PPFIA1: variants seen among roughly 807,000 people sequenced by gnomAD.
PPFIA1 encodes the protein liprin-alpha-1.
In PPFIA1, 25 loss-of-function variants were observed where a neutral mutation model predicts 149.9. That is an observed-to-expected ratio of 0.17 (90% CI 0.12 to 0.23). PPFIA1 has a LOEUF of 0.23. Ranked by LOEUF, PPFIA1 falls within the 10% of genes least tolerant of loss-of-function variation. The pLI, the probability that PPFIA1 is intolerant of heterozygous loss-of-function variation, is 1.00. For synonymous variants in PPFIA1, 549 were observed against 552.8 expected (o/e 0.99, Z 0.10); for missense variants, 1,362 against 1,506.5 (o/e 0.90, Z 1.59).
chr11:70,366,410 C>T (rs1186772119), intron 21 of PPFIA1, among the ~76,000 whole-genome samples: 1 of 152,212 alleles, frequency 6.6e-6, no homozygotes, highest in African/African-American at 2.4e-5. Flanking sequence ...TTACTAAATA[C>T]TATCCTAATA....
intron 14 of PPFIA1, among the ~76,000 whole-genome samples, chr11:70,340,123 C>A (rs1006378626): frequency 7.3e-5 from 11 of 150,764 alleles, no homozygotes; most frequent in African/African-American, 2.7e-4. Flanking sequence ...CACAGGGAGA[C>A]CCCTGTCTCT....
At chr11:70,296,553 G>A (rs2052038229) in intron 2 of PPFIA1, among the ~76,000 whole-genome samples, 1 of 151,964 alleles carries the variant, frequency 6.6e-6, no homozygotes, top group Non-Finnish European at 1.5e-5. Flanking sequence ...GTGGCGGTGC[G>A]CGCCTGCAAT....
chr11:70,375,181 TA>T (rs372735947), intron 24 of PPFIA1, 88 bp downstream of exon 24: 5,539 of 141,470 alleles, frequency 0.039, 188 homozygotes, highest in African/African-American at 0.13. Context: ...AAAGAAACTT[TA>T]AAAAAAAAAA....
intron 2 of PPFIA1, among the ~76,000 whole-genome samples, chr11:70,286,099 G>A (rs12291373): frequency 0.076 from 11,534 of 152,130 alleles, 1,534 homozygotes; most frequent in African/African-American, 0.27. Context: ...CTTGGCCACT[G>A]TGCCTCGCAG....
chr11:70,299,296 T>G (rs2052310782), intron 2 of PPFIA1, among the ~76,000 whole-genome samples: 1 of 152,152 alleles, frequency 6.6e-6, no homozygotes. Context: ...AGCTTTAGAA[T>G]AAAATGGTTT....
intron 2 of PPFIA1, chr11:70,321,399 G>T (rs548468415): frequency 6.6e-6 from 1 of 152,316 alleles, no homozygotes; most frequent in Admixed American, 6.5e-5. Context: ...CGATGAGCCC[G>T]AGACCCCAAT....
At chr11:70,271,864 T>A in intron 1 of PPFIA1, 1 of 149,194 alleles carries the variant, frequency 6.7e-6, no homozygotes, top group South Asian at 1.9e-4. Context: ...GCACACTTGT[T>A]TTCAGCAAAA....
intron 14 of PPFIA1, among the ~76,000 whole-genome samples, chr11:70,342,589 G>A (rs1175351264): frequency 6.6e-6 from 1 of 152,278 alleles, no homozygotes; most frequent in East Asian, 1.9e-4. Flanking sequence ...TTCCTCGTTC[G>A]AGCTTGGTAG....
At chr11:70,372,439 T>C in intron 22 of PPFIA1, 38 bp from the exon 23 acceptor site, 1 of 1,612,718 alleles carries the variant, frequency 6.2e-7, no homozygotes, top group South Asian at 1.1e-5. Flanking sequence ...TTTTTCACTG[T>C]TACCATCTCT....
intron 10 of PPFIA1, chr11:70,334,656 G>A (rs767808655): frequency 3.9e-5 from 6 of 152,264 alleles, no homozygotes; most frequent in Non-Finnish European, 7.3e-5. Context: ...CTACATGTTA[G>A]ACCTTATGAG....
chr11:70,370,097 T>C (rs1365763752), intron 21 of PPFIA1, among the ~76,000 whole-genome samples: 2 of 151,938 alleles, frequency 1.3e-5, no homozygotes, highest in Admixed American at 1.3e-4. Flanking sequence ...ATTACAGGCA[T>C]GTGCCACCAT....
At position 70,312,416 on chromosome 11, in the gene PPFIA1, C is replaced by T. The variant is rs540431475; in HGVS notation, c.265-11986C>T. Among the ~76,000 whole-genome samples, 7 of 152,254 alleles carry T rather than the reference C, an allele frequency of 4.6e-5. No homozygotes were observed. In the South Asian group the frequency reaches 1.5e-3, roughly 32 times the overall value. ...ATGTTGCTTGGGTTGGTCTCAAACT[C>T]CTGGCCTCAAATGATCCTCCCACCC... is the stretch of plus-strand genomic sequence containing the variant. On this transcript the variant is annotated intron_variant, in intron 2 of 27. Coordinates refer to ENST00000253925, the MANE Select transcript of PPFIA1 (RefSeq NM_003626.5).
intron 2 of PPFIA1, among the ~76,000 whole-genome samples, chr11:70,292,285 G>A (rs954887500): frequency 2.0e-5 from 3 of 152,216 alleles, no homozygotes; most frequent in Non-Finnish European, 4.4e-5. Context: ...CACTCGGCCA[G>A]TGAATAGTTT....
rs187024464 is a variant in PPFIA1, at chr11:70,332,986, C to T, written c.1213-484C>T. On this transcript the variant is annotated intron_variant, in intron 9 of 27. Coordinates refer to ENST00000253925, the MANE Select transcript of PPFIA1 (RefSeq NM_003626.5). Reference sequence around the variant, plus strand: ...TTTTAAAGTCTCGATTTCTTTTCTCCCCTGTTATCTTTCCTGTCCCTTGTC... The same window carrying T: ...TTTTAAAGTCTCGATTTCTTTTCTCTCCTGTTATCTTTCCTGTCCCTTGTC... 6.6e-6 allele frequency: 3 copies of T among 453,066 alleles called. No homozygotes were observed. In the Admixed American group the frequency reaches 7.1e-5, roughly 11 times the overall value. The allele number at this position is 453,066 out of a possible 1,614,324, so 28.1% of individuals were successfully genotyped here. A position where few individuals can be genotyped will look rare whatever the true frequency, so the allele number is the denominator to read the frequency against.
intron 15 of PPFIA1, chr11:70,345,996 T>C (rs1200814765): frequency 2.2e-6 from 1 of 453,952 alleles, no homozygotes; most frequent in Non-Finnish European, 4.4e-6. Flanking sequence ...GGACAGTGAG[T>C]GCTCAGATTG....
At chr11:70,332,458 C>G (rs2054724291) in intron 9 of PPFIA1, among the ~76,000 whole-genome samples, 1 of 152,018 alleles carries the variant, frequency 6.6e-6, no homozygotes. Flanking sequence ...AAAACACCAT[C>G]AAGATAAATT....
chr11:70,270,877 CCGCGGAG>C lies in PPFIA1; in HGVS notation c.-36_-30del, dbSNP rs2050026465. The stretch of plus-strand genomic sequence containing the variant: ...GGAGCGAGCAGCCGCCCGCGAGCCG[CCGCGGAG>C]CCTCCTCGCCCGCTCCCGCCGGCGA... On this transcript the variant is annotated 5_prime_UTR_variant, in exon 1 of 28. Coordinates refer to ENST00000253925, the MANE Select transcript of PPFIA1 (RefSeq NM_003626.5). The C allele has an allele frequency of 6.6e-6, 1 of 150,896 alleles. No individual in the cohort carries two copies. Among genetic ancestry groups the C allele is most frequent in the African/African-American group, 2.4e-5 (1 of 41,274 alleles). 9.3% of individuals were successfully genotyped at this position (150,896 alleles called of 1,614,324 possible). A position where few individuals can be genotyped will look rare whatever the true frequency, so the allele number is the denominator to read the frequency against.
intron 2 of PPFIA1, among the ~76,000 whole-genome samples, chr11:70,309,083 G>T (rs1184021048): frequency 2.7e-5 from 4 of 150,372 alleles, no homozygotes; most frequent in South Asian, 2.1e-4. Context: ...TTTTCTTTGG[G>T]TTTTTTTTTA....
At chr11:70,329,455 A>T (rs551737557) in intron 7 of PPFIA1, among the ~76,000 whole-genome samples, 26 of 151,636 alleles carry the variant, frequency 1.7e-4, no homozygotes, top group African/African-American at 4.6e-4. Flanking sequence ...TTATTTATTT[A>T]TTTATTTTTG....
Sources: allele counts gnomAD v4.1 joint callset (sites outside exome capture counted in the v4.1 genomes callset), GRCh38; gene constraint gnomAD v4.1.1; transcripts MANE v1.5; gene names NCBI Gene and HGNC (gene_info 2026-07-23, HGNC 2026-07-21).